The following PIERCE1 variants were observed in gnomAD, a reference collection of about 807,000 sequenced individuals.
The protein encoded by PIERCE1 is piercer of microtubule wall 1, also known as piercer of microtubule wall 1 protein.
At chr9:135,499,642 G>A in the PIERCE1 span, 53 of 1,568,156 alleles carry the variant, frequency 3.4e-5, no homozygotes, top group Non-Finnish European at 4.4e-5. Context: ...GGGGTCTTGC[G>A]GGGTCTCTCA....
the PIERCE1 span, chr9:135,499,490 C>CT: frequency 1.4e-6 from 1 of 731,912 alleles, no homozygotes; most frequent in Non-Finnish European, 2.5e-6. Flanking sequence ...TTTCTCCCCC[C>CT]ACGGCCCTGC....
the PIERCE1 span, chr9:135,495,564 C>T: frequency 6.2e-7 from 1 of 1,614,028 alleles, no homozygotes; most frequent in Non-Finnish European, 8.5e-7. Flanking sequence ...CGGAACATTC[C>T]ACCCGCTGCA....
chr9:135,499,276 G>T, the PIERCE1 span, among the ~76,000 whole-genome samples: 1 of 152,258 alleles, frequency 6.6e-6, no homozygotes, highest in Non-Finnish European at 1.5e-5. Context: ...TGATGAGCAC[G>T]GCAAGATGTT....
chr9:135,499,760 C>T, the PIERCE1 span: 3 of 1,607,544 alleles, frequency 1.9e-6, no homozygotes, highest in Admixed American at 3.4e-5. Context: ...CAGGTCCGCG[C>T]TCACGCGGTA....
At chr9:135,499,683 G>A in the PIERCE1 span, 14 of 1,606,060 alleles carry the variant, frequency 8.7e-6, no homozygotes, top group Non-Finnish European at 1.2e-5. Flanking sequence ...TGGACGCCAG[G>A]ACCAGGCGGG....
At chr9:135,498,637 C>T in the PIERCE1 span, 1 of 1,614,084 alleles carries the variant, frequency 6.2e-7, no homozygotes, top group Non-Finnish European at 8.5e-7. This position sits in a 1 kb window ranked among gnomAD's most constrained non-coding sequence, Gnocchi z 4.1. Context: ...GTTACTGGTC[C>T]TGTACACGGA....
chr9:135,496,131 A>G, the PIERCE1 span, among the ~76,000 whole-genome samples: 1 of 152,204 alleles, frequency 6.6e-6, no homozygotes, highest in Non-Finnish European at 1.5e-5. Context: ...CCTGGCCAAC[A>G]TAGTGAAATG....
chr9:135,499,275 C>T, the PIERCE1 span, among the ~76,000 whole-genome samples: 4 of 152,260 alleles, frequency 2.6e-5, no homozygotes, highest in Admixed American at 6.5e-5. Flanking sequence ...GTGATGAGCA[C>T]GGCAAGATGT....
chr9:135,498,836 G>T, the PIERCE1 span: 2 of 631,072 alleles, frequency 3.2e-6, no homozygotes, highest in South Asian at 1.8e-5. This position sits in a 1 kb window ranked among gnomAD's most constrained non-coding sequence, Gnocchi z 4.1. Context: ...GCTGATGACC[G>T]TTCTGAATGG....
the PIERCE1 span, chr9:135,495,528 C>G: frequency 6.2e-7 from 1 of 1,614,128 alleles, no homozygotes; most frequent in Non-Finnish European, 8.5e-7. Flanking sequence ...ATGCTTTTCT[C>G]CAGGTAAACA....
At chr9:135,497,272 A>G in the PIERCE1 span, among the ~76,000 whole-genome samples, 1 of 152,024 alleles carries the variant, frequency 6.6e-6, no homozygotes, top group Non-Finnish European at 1.5e-5. Flanking sequence ...CATGCCTCCT[A>G]CCCCACTGCC....
At chr9:135,496,900 A>C in the PIERCE1 span, among the ~76,000 whole-genome samples, 1 of 150,548 alleles carries the variant, frequency 6.6e-6, no homozygotes, top group Non-Finnish European at 1.5e-5. Context: ...GGGTTCAAGC[A>C]ATTCTCCTGC....
At chr9:135,496,341 G>C in the PIERCE1 span, among the ~76,000 whole-genome samples, 8 of 152,208 alleles carry the variant, frequency 5.3e-5, no homozygotes, top group African/African-American at 1.9e-4. Flanking sequence ...GAGGCCACTC[G>C]TGTGGGCGGG....
the PIERCE1 span, chr9:135,499,294 G>T: frequency 2.5e-6 from 1 of 406,474 alleles, no homozygotes; most frequent in Non-Finnish European, 4.9e-6. Flanking sequence ...GTTTGCACCT[G>T]CCTACAGGAA....
At chr9:135,499,851 T>A in the PIERCE1 span, 1 of 1,574,404 alleles carries the variant, frequency 6.4e-7, no homozygotes, top group Non-Finnish European at 8.6e-7. Flanking sequence ...TCCTCAGCCA[T>A]TGTGCCTGGA....
At chr9:135,499,650 TCA>T in the PIERCE1 span, 1 of 1,587,838 alleles carries the variant, frequency 6.3e-7, no homozygotes, top group Non-Finnish European at 8.6e-7. Context: ...GCGGGGTCTC[TCA>T]CACACGGGGC....
the PIERCE1 span, chr9:135,499,812 C>T: frequency 6.2e-7 from 1 of 1,602,958 alleles, no homozygotes; most frequent in Non-Finnish European, 8.5e-7. Context: ...GCCTTGGGCG[C>T]CACAGGCTCC....
chr9:135,497,926 AC>A, the PIERCE1 span, among the ~76,000 whole-genome samples: 10 of 152,366 alleles, frequency 6.6e-5, no homozygotes, highest in East Asian at 1.9e-3. Context: ...AAATACGTCC[AC>A]AACATTCTCA....
the PIERCE1 span, chr9:135,498,502 C>A: frequency 8.6e-7 from 1 of 1,159,964 alleles, no homozygotes; most frequent in South Asian, 1.3e-5. This position sits in a 1 kb window ranked among gnomAD's most constrained non-coding sequence, Gnocchi z 4.1. Context: ...TCATTGTTGA[C>A]CTGTTGAGAA....
Sources: gnomAD v4.1 joint callset for allele counts (sites outside exome capture counted in the v4.1 genomes callset) on GRCh38, gnomAD v4.1.1 for gene constraint, Gnocchi (gnomAD v3.1) non-coding constraint, MANE v1.5 for transcripts, NCBI Gene and HGNC (gene_info 2026-07-23, HGNC 2026-07-21) for gene names.